ANXA8: variants seen among roughly 807,000 people sequenced by gnomAD.
ANXA8 encodes annexin A8.
In ANXA8, 9 loss-of-function variants were observed where a neutral mutation model predicts 26.8. That is an observed-to-expected ratio of 0.34 (90% CI 0.20 to 0.59). The LOEUF (loss-of-function observed/expected upper bound fraction) is 0.59, where lower values mean the gene tolerates loss of function less well. ANXA8 is among the 20% of genes least tolerant of loss of function. ANXA8 has a pLI of 0.84. For synonymous variants in ANXA8, 39 were observed against 94.8 expected, an observed-to-expected ratio of 0.41 and a Z score of 3.42; for missense variants, 83 against 238.5, an observed-to-expected ratio of 0.35 and a Z score of 4.29.
the ANXA8 span, among the ~76,000 whole-genome samples, chr10:47,665,665 A>G: frequency 1.3e-5 from 2 of 149,444 alleles, no homozygotes; most frequent in East Asian, 1.9e-4. Flanking sequence ...TTTTTTTACT[A>G]GCTGTGGGGA....
chr10:47,970,390 A>T, the ANXA8 span: 1 of 150,820 alleles, frequency 6.6e-6, no homozygotes. Flanking sequence ...TCCTCCTTGG[A>T]AGGGGAAGCT....
chr10:47,497,949 G>GA, the ANXA8 span, among the ~76,000 whole-genome samples: 1 of 114,846 alleles, frequency 8.7e-6, no homozygotes, highest in Non-Finnish European at 2.0e-5. Context: ...AAATTATAAT[G>GA]AAAAAATAAT....
the ANXA8 span, among the ~76,000 whole-genome samples, chr10:47,687,635 G>C: frequency 6.6e-6 from 1 of 151,860 alleles, no homozygotes; most frequent in East Asian, 1.9e-4. Context: ...TTTTGAACTT[G>C]AAGGCTTTTG....
chr10:47,770,212 C>A, the ANXA8 span, among the ~76,000 whole-genome samples: 23 of 118,264 alleles, frequency 1.9e-4, no homozygotes, highest in African/African-American at 6.4e-4. Flanking sequence ...GGGGAAAAAA[C>A]TTCCAAACCA....
At chr10:47,751,387 C>T in the ANXA8 span, 1 of 89,266 alleles carries the variant, frequency 1.1e-5, no homozygotes, top group African/African-American at 4.3e-5. Flanking sequence ...TTTATCTTGT[C>T]CAATTGCTCA....
At chr10:47,944,342 T>C in the ANXA8 span, among the ~76,000 whole-genome samples, 8 of 149,034 alleles carry the variant, frequency 5.4e-5, no homozygotes, top group Non-Finnish European at 1.0e-4. Flanking sequence ...ACCGTCAATC[T>C]AGAGCATCCT....
the ANXA8 span, among the ~76,000 whole-genome samples, chr10:47,641,558 ATTTGTGGCATAT>A: frequency 4.7e-5 from 1 of 21,152 alleles, no homozygotes; most frequent in Admixed American, 5.9e-4. Flanking sequence ...TTATGGGTAC[ATTTGTGGCATAT>A]TTTAAAATGT....
At chr10:47,944,732 G>T in the ANXA8 span, among the ~76,000 whole-genome samples, 8 of 150,562 alleles carry the variant, frequency 5.3e-5, no homozygotes, top group Non-Finnish European at 1.0e-4. Context: ...CTTCCACCAT[G>T]ATTGAGAGGC....
the ANXA8 span, among the ~76,000 whole-genome samples, chr10:47,647,031 T>A: frequency 6.6e-6 from 1 of 152,222 alleles, no homozygotes; most frequent in Non-Finnish European, 1.5e-5. Flanking sequence ...GAATATGATT[T>A]CTTTGAATGC....
chr10:47,510,007 G>A, the ANXA8 span, among the ~76,000 whole-genome samples: 1 of 141,870 alleles, frequency 7.0e-6, no homozygotes, highest in Non-Finnish European at 1.5e-5. Context: ...CTTCCACCAC[G>A]ACGTCTAAGA....
chr10:47,622,612 A>T, the ANXA8 span, among the ~76,000 whole-genome samples: 1 of 89,922 alleles, frequency 1.1e-5, no homozygotes, highest in Non-Finnish European at 2.3e-5. Flanking sequence ...ATTTGAGATG[A>T]CTGTGAGCTT....
chr10:47,650,594 C>G, the ANXA8 span, among the ~76,000 whole-genome samples: 1 of 147,100 alleles, frequency 6.8e-6, no homozygotes, highest in Non-Finnish European at 1.5e-5. Flanking sequence ...ATCACGAGGT[C>G]AGGAGATCGA....
the ANXA8 span, among the ~76,000 whole-genome samples, chr10:47,955,494 A>G: frequency 7.3e-5 from 11 of 150,080 alleles, no homozygotes; most frequent in Admixed American, 5.3e-4. Flanking sequence ...TGTTGCTCCT[A>G]GGCTACCAAT....
At chr10:47,703,946 G>A in the ANXA8 span, among the ~76,000 whole-genome samples, 1,396 of 143,840 alleles carry the variant, frequency 9.7e-3, 37 homozygotes, top group African/African-American at 0.032. Flanking sequence ...GAAACCCAAA[G>A]GGAAGGACGT....
At chr10:47,742,435 TTG>T in the ANXA8 span, among the ~76,000 whole-genome samples, 3 of 150,776 alleles carry the variant, frequency 2.0e-5, no homozygotes, top group African/African-American at 7.4e-5. Flanking sequence ...TTATCATCAC[TTG>T]TATTCAATAC....
the ANXA8 span, among the ~76,000 whole-genome samples, chr10:47,706,015 G>T: frequency 1.3e-5 from 2 of 151,768 alleles, no homozygotes; most frequent in Non-Finnish European, 2.9e-5. Context: ...GGGGGGGAGG[G>T]GCGCCGCCGC....
the ANXA8 span, among the ~76,000 whole-genome samples, chr10:47,684,040 T>C: frequency 6.6e-6 from 1 of 151,960 alleles, no homozygotes; most frequent in Non-Finnish European, 1.5e-5. Context: ...ACTCTAAAGA[T>C]AAAGGATTAT....
chr10:47,899,388 ATT>A, the ANXA8 span, among the ~76,000 whole-genome samples: 1 of 81,064 alleles, frequency 1.2e-5, no homozygotes, highest in African/African-American at 5.4e-5. Context: ...TAAAAATATT[ATT>A]TTTTTTTGAG....
At chr10:47,968,485 C>T in the ANXA8 span, among the ~76,000 whole-genome samples, 1 of 141,334 alleles carries the variant, frequency 7.1e-6, no homozygotes, top group African/African-American at 2.5e-5. Flanking sequence ...ATCCCCACTG[C>T]CACCATATCC....
Sources: gnomAD v4.1 joint callset for allele counts (sites outside exome capture counted in the v4.1 genomes callset) on GRCh38, gnomAD v4.1.1 for gene constraint, MANE v1.5 for transcripts, NCBI Gene and HGNC (gene_info 2026-07-23, HGNC 2026-07-21) for gene names.